LRMDA: variants seen among roughly 807,000 people sequenced by gnomAD.
LRMDA encodes leucine-rich melanocyte differentiation-associated protein.
A neutral mutation model predicts 29.8 loss-of-function variants in LRMDA; 18 were observed. That is an observed-to-expected ratio of 0.60 (90% CI 0.42 to 0.90). LRMDA has a LOEUF of 0.90. Ranked by LOEUF, LRMDA falls within the 40% of genes least tolerant of loss-of-function variation. LRMDA has a pLI of 0.00. For missense variants in LRMDA, 273 were observed against 273.9 expected, an observed-to-expected ratio of 1.00 and a Z score of 0.02; for synonymous variants, 125 against 109.4, an observed-to-expected ratio of 1.14 and a Z score of -0.89.
intron 3 of LRMDA, among the ~76,000 whole-genome samples, chr10:76,040,100 G>T (rs1231866871): frequency 6.6e-6 from 1 of 152,170 alleles, no homozygotes; most frequent in Admixed American, 6.5e-5. Context: ...TGTCAGTAGT[G>T]GGGCTTAGTC....
At chr10:75,913,469 A>G (rs1216667911) in intron 2 of LRMDA, among the ~76,000 whole-genome samples, 2 of 152,178 alleles carry the variant, frequency 1.3e-5, no homozygotes, top group South Asian at 2.1e-4. Flanking sequence ...GGGAAAAAAA[A>G]TTCTTCTGCC....
intron 6 of LRMDA, among the ~76,000 whole-genome samples, chr10:76,552,415 A>G (rs1353208129): frequency 6.6e-6 from 1 of 152,196 alleles, no homozygotes; most frequent in Admixed American, 6.5e-5. Flanking sequence ...GCCCCCTTCT[A>G]TCCAGGTTAT....
At chr10:76,022,587 A>G (rs1847992800) in intron 2 of LRMDA, among the ~76,000 whole-genome samples, 1 of 152,106 alleles carries the variant, frequency 6.6e-6, no homozygotes, top group African/African-American at 2.4e-5. Context: ...GAGTGCAAGG[A>G]TGTGCAGATC....
chr10:76,369,554 C>T lies in LRMDA; in HGVS notation c.601+45069C>T, dbSNP rs190814456. ...TCATAGCTCTTAAGATTCTTTCCTTCATCTTAAATTTGGATAACCTGATGA... is the reference window on the plus strand; with the variant it reads ...TCATAGCTCTTAAGATTCTTTCCTTTATCTTAAATTTGGATAACCTGATGA... On this transcript the variant is annotated intron_variant, in intron 6 of 6. Transcript: ENST00000611255. Among the ~76,000 whole-genome samples the T allele has an allele frequency of 4.8e-3, 737 of 152,246 alleles. 5 individuals are homozygous for T. Among genetic ancestry groups the T allele is most frequent in the Middle Eastern group, 0.031 (9 of 294 alleles).
At chr10:76,304,184 A>G (rs576026582) in intron 5 of LRMDA, among the ~76,000 whole-genome samples, 1 of 152,338 alleles carries the variant, frequency 6.6e-6, no homozygotes, top group East Asian at 1.9e-4. Context: ...AAAGATGGGT[A>G]TAACAAAAAG....
chr10:76,049,188 G>A (rs76930920), intron 4 of LRMDA, among the ~76,000 whole-genome samples: 170 of 152,280 alleles, frequency 1.1e-3, no homozygotes, highest in African/African-American at 4.0e-3. Context: ...CACCCTCCAA[G>A]CCCATCCTCC....
Position 75,733,342 on chromosome 10 carries a change from G to T in LRMDA, c.131+294848G>T, listed in dbSNP as rs139585331. On this transcript the variant is annotated intron_variant, in intron 2 of 6. Coordinates refer to ENST00000611255, the MANE Select transcript of LRMDA (RefSeq NM_001305581.2). ...TTACCATCCAAGAAAGGCCAGTTAG[G>T]TTGGGTAATTTTCTGTGGTTTGAGT... Among the ~76,000 whole-genome samples, 190 of 152,318 alleles carry T rather than the reference G, an allele frequency of 1.2e-3. 1 individual carries two copies. The highest frequency in any genetic ancestry group is 4.5e-3 in the African/African-American group (186 of 41,572).
intron 2 of LRMDA, among the ~76,000 whole-genome samples, chr10:75,711,833 C>T (rs535428410): frequency 2.6e-5 from 4 of 152,100 alleles, no homozygotes; most frequent in Non-Finnish European, 4.4e-5. Flanking sequence ...TCCCCCACCC[C>T]GTGAAATGTT....
chr10:75,929,674 C>T (rs1005150726), intron 2 of LRMDA, among the ~76,000 whole-genome samples: 1 of 152,114 alleles, frequency 6.6e-6, no homozygotes, highest in Non-Finnish European at 1.5e-5. Context: ...ATGACAGGGA[C>T]CACTGTGGGT....
At chr10:75,523,877 C>T (rs1303888323) in intron 2 of LRMDA, among the ~76,000 whole-genome samples, 1 of 152,092 alleles carries the variant, frequency 6.6e-6, no homozygotes, top group Non-Finnish European at 1.5e-5. Flanking sequence ...CAGCCTCCAC[C>T]CCAGTTGATA....
intron 2 of LRMDA, among the ~76,000 whole-genome samples, chr10:75,554,429 A>G (rs879455221): frequency 1.3e-5 from 2 of 152,212 alleles, no homozygotes; most frequent in Non-Finnish European, 2.9e-5. Flanking sequence ...GATTGATGTG[A>G]TGAGGTAGGT....
chr10:75,469,853 G>A (rs1036115840), intron 2 of LRMDA, among the ~76,000 whole-genome samples: 2 of 152,194 alleles, frequency 1.3e-5, no homozygotes, highest in Non-Finnish European at 2.9e-5. Context: ...TGTGCTTTAA[G>A]CTTCAAACAA....
chr10:76,105,496 C>T (rs2132107459), intron 5 of LRMDA, among the ~76,000 whole-genome samples: 1 of 152,078 alleles, frequency 6.6e-6, no homozygotes, highest in East Asian at 1.9e-4. Flanking sequence ...TAGTGTAAGC[C>T]CTCGATTCTA....
intron 5 of LRMDA, among the ~76,000 whole-genome samples, chr10:76,250,167 TA>T (rs758652654): frequency 1.3e-5 from 2 of 152,344 alleles, no homozygotes; most frequent in Non-Finnish European, 2.9e-5. Flanking sequence ...ATTGCTGAGT[TA>T]TCATTCTTCA....
intron 2 of LRMDA, among the ~76,000 whole-genome samples, chr10:75,440,039 G>A (rs1463512667): frequency 6.6e-6 from 1 of 151,574 alleles, no homozygotes; most frequent in Non-Finnish European, 1.5e-5. Context: ...GAGCATCAGT[G>A]CATGTGGATC....
intron 2 of LRMDA, among the ~76,000 whole-genome samples, chr10:75,706,817 T>C (rs972402248): frequency 6.7e-6 from 1 of 149,608 alleles, no homozygotes; most frequent in Non-Finnish European, 1.5e-5. Flanking sequence ...GGAGTCAGAA[T>C]TCGAAGTCAG....
intron 2 of LRMDA, among the ~76,000 whole-genome samples, chr10:75,937,337 T>C (rs1311631333): frequency 1.3e-5 from 2 of 152,222 alleles, no homozygotes; most frequent in Admixed American, 1.3e-4. Flanking sequence ...AGAGAAGTTA[T>C]CTCATTTAAA....
intron 6 of LRMDA, among the ~76,000 whole-genome samples, chr10:76,404,861 A>C (rs1589168509): frequency 1.3e-5 from 2 of 152,198 alleles, no homozygotes; most frequent in African/African-American, 4.8e-5. Context: ...TATAAAAAGG[A>C]AACAGCAGGG....
chr10:75,976,005 G>A (rs1348997347), intron 2 of LRMDA, among the ~76,000 whole-genome samples: 1 of 152,160 alleles, frequency 6.6e-6, no homozygotes, highest in African/African-American at 2.4e-5. Context: ...CAATCTATTT[G>A]CCACATGGCA....
Sources: gnomAD v4.1 joint callset for allele counts (sites outside exome capture counted in the v4.1 genomes callset) on GRCh38, gnomAD v4.1.1 for gene constraint, MANE v1.5 for transcripts, NCBI Gene and HGNC (gene_info 2026-07-23, HGNC 2026-07-21) for gene names.